The following KASH5 variants were observed in gnomAD, a reference collection of about 807,000 sequenced individuals.
The protein encoded by KASH5 is protein KASH5.
Under a neutral mutation model 84.2 loss-of-function variants are expected in KASH5, and 72 were observed. The ratio of observed to expected loss-of-function variants is 0.85; its 90% CI spans 0.71 to 1.04. The LOEUF (loss-of-function observed/expected upper bound fraction) is 1.04, where lower values mean the gene tolerates loss of function less well. KASH5 is among the 50% of genes least tolerant of loss of function. The probability of loss-of-function intolerance (pLI) is 0.00; values close to 1 mark genes in which losing one functional copy is unlikely to be tolerated. For synonymous variants in KASH5, 260 were observed against 279.1 expected (o/e 0.93, Z 0.68); for missense variants, 650 against 701.0 (o/e 0.93, Z 0.82).
chr19:49,409,642 T>G, intron 14 of KASH5, 111 bp from the exon 15 acceptor site: 3 of 1,400,520 alleles, frequency 2.1e-6, no homozygotes, highest in Non-Finnish European at 3.0e-6. Context: ...ACCAGCCCTT[T>G]TCTATCTCTC....
chr19:49,394,845 G>A (rs1974121969), intron 3 of KASH5: 1 of 587,382 alleles, frequency 1.7e-6, no homozygotes, highest in Admixed American at 3.0e-5. Flanking sequence ...CAGCCACCAT[G>A]GTGGCGTGGG....
At position 49,416,961 on chromosome 19, in the gene KASH5, G is replaced by A; in HGVS notation, c.1375-54G>A. On this transcript the variant is annotated intron_variant, in intron 17 of 19. Transcript: ENST00000447857. The surrounding 1 kb of genome is among the most constrained non-coding windows in gnomAD (Gnocchi z 5.4). ...ACTTGTGTCCAGTGGGCTGACCTGAGCACCTCTCAGTCCAGAACCCGGTGC... is the reference window on the plus strand; with the variant it reads ...ACTTGTGTCCAGTGGGCTGACCTGAACACCTCTCAGTCCAGAACCCGGTGC... 1.3e-6 allele frequency: 2 copies of A among 1,531,684 alleles called. No homozygotes were observed. Among genetic ancestry groups the A allele is most frequent in the African/African-American group, 1.4e-5 (1 of 72,766 alleles). The allele number at this position is 1,531,684 out of a possible 1,614,324, so 94.9% of individuals were successfully genotyped here.
chr19:49,395,167 G>C lies in KASH5; in HGVS notation c.210G>C (p.Gln70His). 1 of 1,613,102 alleles carries C rather than the reference G, an allele frequency of 6.2e-7. No individual in the cohort carries two copies. ...AGGCTGTGACAGGCCAGGGCCCCCA[G>C]GATGCACGCCTCCAAACATTGGCCA... ...YLEAVTGQGPQDARLQTLANS... is the reference protein window; with the variant it reads ...YLEAVTGQGPHDARLQTLANS... The change falls in exon 4 of 20, where the codon CAG (glutamine) becomes CAC (histidine). Residue 70 changes from glutamine (Q) to histidine (H), a missense_variant. Gln to His is a conservative substitution (Grantham distance 24). Coordinates refer to ENST00000447857, the MANE Select transcript of KASH5 (RefSeq NM_144688.5). This position sits in a 1 kb window ranked among gnomAD's most constrained non-coding sequence, Gnocchi z 4.4.
At chr19:49,400,136 A>G (rs1164993978) in intron 9 of KASH5, among the ~76,000 whole-genome samples, 3 of 151,702 alleles carry the variant, frequency 2.0e-5, no homozygotes, top group Admixed American at 6.6e-5. Context: ...GCTGAGGTGG[A>G]AAGACTGCAC....
chr19:49,405,184 C>T (rs1365514626), intron 9 of KASH5, among the ~76,000 whole-genome samples: 1 of 152,198 alleles, frequency 6.6e-6, no homozygotes, highest in Non-Finnish European at 1.5e-5. Context: ...AGGCCCGGTG[C>T]AGTGGCTCAC....
chr19:49,411,246 A>G (rs375042943), intron 15 of KASH5, among the ~76,000 whole-genome samples: 5 of 143,588 alleles, frequency 3.5e-5, no homozygotes, highest in African/African-American at 1.3e-4. Flanking sequence ...CTCTCTCTCT[A>G]TTTTTTTTTT....
chr19:49,397,624 A>G, intron 5 of KASH5, 27 bp from the exon 6 acceptor site: 1 of 1,612,622 alleles, frequency 6.2e-7, no homozygotes, highest in Non-Finnish European at 8.5e-7. Context: ...CAGGGAAGCC[A>G]ACATTCTCTT....
chr19:49,395,117 G>A lies in KASH5; in HGVS notation c.160G>A (p.Val54Met). 2 of 1,607,594 alleles carry A rather than the reference G, an allele frequency of 1.2e-6. No individual in the cohort carries two copies. The highest frequency in any genetic ancestry group is 1.7e-6 in the Non-Finnish European group (2 of 1,178,406). ...CDPQRTGTVAVAQVLAYLEAV... is the reference protein window; with the variant it reads ...CDPQRTGTVAMAQVLAYLEAV... ...ATGCTCTGTCACAGGCACTGTGGCTGTGGCCCAGGTGCTGGCCTACCTGGA... is the reference window on the plus strand; with the variant it reads ...ATGCTCTGTCACAGGCACTGTGGCTATGGCCCAGGTGCTGGCCTACCTGGA... Residue 54 changes from valine (V) to methionine (M), a missense_variant, in exon 4 of 20, where the codon GTG (valine) becomes ATG (methionine). Coordinates refer to ENST00000447857, the MANE Select transcript of KASH5 (RefSeq NM_144688.5). This position sits in a 1 kb window ranked among gnomAD's most constrained non-coding sequence, Gnocchi z 4.4.
chr19:49,401,162 G>A (rs1974349242), intron 9 of KASH5, among the ~76,000 whole-genome samples: 1 of 152,128 alleles, frequency 6.6e-6, no homozygotes, highest in African/African-American at 2.4e-5. Flanking sequence ...TATCTGGGCT[G>A]GGACTCTTAC....
intron 7 of KASH5, among the ~76,000 whole-genome samples, chr19:49,398,692 A>ACT (rs34111470): frequency 0.59 from 89,168 of 151,180 alleles, 26,803 homozygotes; most frequent in African/African-American, 0.72. Flanking sequence ...TTATTCTTTA[A>ACT]CTCTCTGATT....
At chr19:49,400,225 C>CAAA (rs34052696) in intron 9 of KASH5, among the ~76,000 whole-genome samples, 33 of 80,966 alleles carry the variant, frequency 4.1e-4, no homozygotes, top group East Asian at 6.9e-4. Flanking sequence ...GAGAGCCTCT[C>CAAA]AAAAAAAAAA....
intron 9 of KASH5, 24 bp from the exon 10 acceptor site, chr19:49,406,862 G>A (rs117030842): frequency 0.039 from 61,631 of 1,590,536 alleles, 1,396 homozygotes; most frequent in Middle Eastern, 0.064. Context: ...TGGAATGAAC[G>A]TGACCAGCCA....
At position 49,417,001 on chromosome 19, in the gene KASH5, T is replaced by C. The variant is rs751657760; in HGVS notation, c.1375-14T>C. 2.5e-6 allele frequency: 4 copies of C among 1,577,334 alleles called. No individual in the cohort carries two copies. The South Asian group carries it at 3.5e-5, about 14-fold the overall frequency. ...GAACCCGGTGCCTCCAACGCATCTC[T>C]TCTGTCCTTGCAGGCTGATCTCCCT... On this transcript the variant is annotated splice_polypyrimidine_tract_variant and intron_variant, in intron 17 of 19. Transcript: ENST00000447857. This position sits in a 1 kb window ranked among gnomAD's most constrained non-coding sequence, Gnocchi z 5.2.
At chr19:49,405,607 A>G (rs778723908) in intron 9 of KASH5, among the ~76,000 whole-genome samples, 3 of 152,162 alleles carry the variant, frequency 2.0e-5, no homozygotes, top group Non-Finnish European at 4.4e-5. Context: ...TGCTGGAGTA[A>G]CTACAGGTGA....
rs766540572 is a variant in KASH5, at chr19:49,395,806, G to A, written c.373G>A (p.Ala125Thr). ...GGAAGAGGAGACCGCCTTCCAGGGAGCCCTGACCTCCCGGCAACTGCCATC... is the reference window on the plus strand; with the variant it reads ...GGAAGAGGAGACCGCCTTCCAGGGAACCCTGACCTCCCGGCAACTGCCATC... Reference protein sequence around the residue: ...ELEEETAFQGALTSRQLPSGC... With the variant: ...ELEEETAFQGTLTSRQLPSGC... The change falls in exon 5 of 20, where the codon GCC (alanine) becomes ACC (threonine). Residue 125 changes from alanine to threonine, a missense_variant. Ala to Thr is a moderately conservative substitution (Grantham distance 58, BLOSUM62 0). Transcript: ENST00000447857. This position sits in a 1 kb window ranked among gnomAD's most constrained non-coding sequence, Gnocchi z 4.4. 6.4e-7 allele frequency: 1 copy of A among 1,565,776 alleles called. No homozygotes were observed. The highest frequency in any genetic ancestry group is 2.4e-5 in the East Asian group (1 of 42,210).
chr19:49,413,122 C>T, intron 16 of KASH5, 96 bp downstream of exon 16: 1 of 1,190,736 alleles, frequency 8.4e-7, no homozygotes, highest in East Asian at 2.4e-5. Flanking sequence ...GATCGGCATT[C>T]ATTCATTCAC....
Position 49,399,325 on chromosome 19 carries a change from C to A in KASH5, c.748-132C>A. On this transcript the variant is annotated intron_variant, in intron 8 of 19. Coordinates refer to ENST00000447857, the MANE Select transcript of KASH5 (RefSeq NM_144688.5). The surrounding 1 kb of genome is among the most constrained non-coding windows in gnomAD (Gnocchi z 4.4). ...GCCATCCTTCTCATGACAAAGGAGA[C>A]AGCAGGAGCCATCAGGGCTTCCCAG... 1 of 995,564 alleles carries A rather than the reference C, an allele frequency of 1.0e-6. No homozygotes were observed. Among genetic ancestry groups the A allele is most frequent in the Non-Finnish European group, 1.5e-6 (1 of 662,966 alleles). 61.7% of individuals were successfully genotyped at this position (995,564 alleles called of 1,614,324 possible).
At chr19:49,407,539 T>TCCC in intron 11 of KASH5, 73 bp from the exon 12 acceptor site, 1 of 1,470,548 alleles carries the variant, frequency 6.8e-7, no homozygotes, top group Non-Finnish European at 9.3e-7. Context: ...CCCCAGCCAG[T>TCCC]CCCCCCGCCA....
intron 12 of KASH5, among the ~76,000 whole-genome samples, chr19:49,408,586 C>T (rs1050635163): frequency 1.3e-5 from 2 of 151,996 alleles, no homozygotes; most frequent in Non-Finnish European, 2.9e-5. Flanking sequence ...GTAGCTGGGA[C>T]TACAAGCGTG....
Sources: gnomAD v4.1 joint callset for allele counts (sites outside exome capture counted in the v4.1 genomes callset) on GRCh38, gnomAD v4.1.1 for gene constraint, Gnocchi (gnomAD v3.1) non-coding constraint, MANE v1.5 for transcripts, NCBI Gene and HGNC (gene_info 2026-07-23, HGNC 2026-07-21) for gene names.